Variants in USP7 observed in about 807,000 individuals in gnomAD.
USP7 encodes the protein ubiquitin specific peptidase 7, also known as ubiquitin C-terminal hydrolase 7.
In USP7, 9 loss-of-function variants were observed where a neutral mutation model predicts 162.9. The ratio of observed to expected loss-of-function variants is 0.06; its 90% confidence interval spans 0.03 to 0.10. The LOEUF is 0.10. USP7 is among the 10% of genes least tolerant of loss of function. USP7 has a pLI of 1.00. For missense variants in USP7, 715 were observed against 1,373.7 expected (o/e 0.52, Z 7.58); for synonymous variants, 562 against 475.9 (o/e 1.18, Z -2.35).
chr16:8,897,698 C>CAA lies in USP7; in HGVS notation c.2719-601_2719-600dup, dbSNP rs55635828. Among the ~76,000 whole-genome samples, 10 of 35,604 alleles carry CAA rather than the reference C, an allele frequency of 2.8e-4. 1 individual carries two copies. Among genetic ancestry groups the CAA allele is most frequent in the African/African-American group, 7.1e-4 (6 of 8,422 alleles). The allele number at this position is 35,604 out of a possible 152,430, so 23.4% of individuals were successfully genotyped here. A position where few individuals can be genotyped will look rare whatever the true frequency, so the allele number is the denominator to read the frequency against. On this transcript the variant is annotated intron_variant, in intron 25 of 30. Coordinates refer to ENST00000344836, the MANE Select transcript of USP7 (RefSeq NM_003470.3). Reference sequence around the variant, plus strand: ...GCAATATAGTGAGACCCTGTCTCTACAAAAAAAAAAAAAAAAAAAAAAAAA... The same window carrying CAA: ...GCAATATAGTGAGACCCTGTCTCTACAAAAAAAAAAAAAAAAAAAAAAAAAAA...
chr16:8,901,960 G>T, intron 18 of USP7, 122 bp downstream of exon 18: 1 of 824,650 alleles, frequency 1.2e-6, no homozygotes. Flanking sequence ...GTGAGCTTTT[G>T]TGGAATTGAT....
chr16:8,939,927 G>A (rs999137767), intron 1 of USP7, among the ~76,000 whole-genome samples: 1 of 152,096 alleles, frequency 6.6e-6, no homozygotes, highest in Admixed American at 6.6e-5. Flanking sequence ...GTGAAACCCC[G>A]ACTCTACTAA....
rs2061963638 is a variant in USP7, at chr16:8,912,505, C to G, written c.1079-1678G>C. ...AAACATTACCAAGCATGCAAAGAAGCTGAAACCACCACCCATGATGAAGAC... is the reference window on the plus strand; with the variant it reads ...AAACATTACCAAGCATGCAAAGAAGGTGAAACCACCACCCATGATGAAGAC... On this transcript the variant is annotated intron_variant, in intron 10 of 30. Transcript: ENST00000344836. 2.7e-5 allele frequency among the ~76,000 whole-genome samples: 4 copies of G among 148,542 alleles called. No homozygotes were observed. In the South Asian group the frequency reaches 8.6e-4, roughly 32 times the overall value.
chr16:8,948,922 C>A (rs1448377283), intron 1 of USP7, among the ~76,000 whole-genome samples: 1 of 152,104 alleles, frequency 6.6e-6, no homozygotes, highest in African/African-American at 2.4e-5. Flanking sequence ...TATGATCAAA[C>A]CACGGCACTC....
chr16:8,943,608 G>A (rs1899144278), intron 1 of USP7, among the ~76,000 whole-genome samples: 1 of 152,024 alleles, frequency 6.6e-6, no homozygotes, highest in Non-Finnish European at 1.5e-5. Context: ...TTCCTCTGCT[G>A]GATTAACGGT....
At chr16:8,949,500 C>G (rs989845098) in intron 1 of USP7, 1 of 152,384 alleles carries the variant, frequency 6.6e-6, no homozygotes, top group African/African-American at 2.4e-5. Flanking sequence ...ATACCCAGGA[C>G]AGCCTGTGCT....
At chr16:8,962,679 G>A (rs369715991) in intron 1 of USP7, 200 of 201,148 alleles carry the variant, frequency 9.9e-4, no homozygotes, top group African/African-American at 4.4e-3. Flanking sequence ...TGCGTTCCTT[G>A]CAGGTATTTT....
intron 11 of USP7, 33 bp from the exon 12 acceptor site, chr16:8,908,483 A>C (rs1285187428): frequency 6.4e-7 from 1 of 1,570,968 alleles, no homozygotes; most frequent in Non-Finnish European, 8.7e-7. Context: ...AAATGTAGTT[A>C]GCCTCTACTT....
chr16:8,908,008 C>G lies in USP7; in HGVS notation c.1271+333G>C, dbSNP rs79493421. Among the ~76,000 whole-genome samples, 20 of 152,166 alleles carry G rather than the reference C, an allele frequency of 1.3e-4. No homozygotes were observed. In the East Asian group the frequency reaches 3.9e-3, roughly 29 times the overall value. On this transcript the variant is annotated intron_variant, in intron 12 of 30. Coordinates refer to ENST00000344836, the MANE Select transcript of USP7 (RefSeq NM_003470.3). The stretch of plus-strand genomic sequence containing the variant: ...CTCTGAAATAACATTTATAATCGGT[C>G]AAAATTAAATTTATTAGAAATCCTG...
chr16:8,944,277 C>T (rs1032142778), intron 1 of USP7, among the ~76,000 whole-genome samples: 5 of 151,902 alleles, frequency 3.3e-5, no homozygotes, highest in African/African-American at 1.2e-4. Context: ...GGCTTGACAC[C>T]CCCTTGGCAG....
At chr16:8,904,356 G>T (rs2061825061) in intron 15 of USP7, 79 bp downstream of exon 15, 3 of 1,569,518 alleles carry the variant, frequency 1.9e-6, no homozygotes, top group Non-Finnish European at 2.6e-6. Flanking sequence ...CAGAGGGGTG[G>T]GGGCTGACCT....
At chr16:8,960,487 A>C (rs1899967348) in intron 1 of USP7, among the ~76,000 whole-genome samples, 2 of 152,220 alleles carry the variant, frequency 1.3e-5, no homozygotes, top group South Asian at 4.1e-4. Context: ...ATTGATAGAG[A>C]CAAAACAAAC....
chr16:8,901,073 T>C lies in USP7; in HGVS notation c.2141-16A>G. On this transcript the variant is annotated splice_polypyrimidine_tract_variant and intron_variant, in intron 19 of 30. Transcript: ENST00000344836. ...AGCAAGTCACCTAGGAGAAAGAAGA[T>C]ATTTTAAATGTGTAGCTGTAATGTA... 4 of 1,614,054 alleles carry C rather than the reference T, an allele frequency of 2.5e-6. No individual in the cohort carries two copies. The highest frequency in any genetic ancestry group is 3.4e-6 in the Non-Finnish European group (4 of 1,179,944).
chr16:8,929,044 C>CT lies in USP7; in HGVS notation c.184+1248dup, dbSNP rs543939758. 6.3e-4 allele frequency among the ~76,000 whole-genome samples: 84 copies of CT among 133,960 alleles called. 2 individuals are homozygous for CT. The East Asian group carries it at 0.013, about 20-fold the overall frequency. The allele number at this position is 133,960 out of a possible 152,430, so 87.9% of individuals were successfully genotyped here. The stretch of plus-strand genomic sequence containing the variant: ...TATGTCTCCTCCCAAGACCTCCCCC[C>CT]TAAAAAAAAAAAGAAAAAAACAGTA... On this transcript the variant is annotated intron_variant, in intron 2 of 30. Transcript: ENST00000344836.
rs144447086 is a variant in USP7, at chr16:8,906,447, T to A, written c.1407A>T (p.Leu469=). The A allele has an allele frequency of 1.9e-5, 30 of 1,612,198 alleles. No homozygotes were observed. In the East Asian group the frequency reaches 6.7e-4, roughly 36 times the overall value. ...DNHGGHYVVY[L]NPKGDGKWCK... ...TTACTTTGCCATCCCCTTTGGGGTT[T>A]AGATAAACCACATAATGTCCACCAT... is the stretch of plus-strand genomic sequence containing the variant. The change falls in exon 13 of 31, where the codon CTA becomes CTT. Residue 469 remains leucine, a synonymous_variant. Transcript: ENST00000344836.
chr16:8,943,900 G>T (rs1899163644), intron 1 of USP7, among the ~76,000 whole-genome samples: 1 of 152,076 alleles, frequency 6.6e-6, no homozygotes, highest in South Asian at 2.1e-4. Flanking sequence ...AAACATTTTG[G>T]TTTTTAAAAT....
intron 1 of USP7, among the ~76,000 whole-genome samples, chr16:8,958,588 G>T (rs1219166732): frequency 1.3e-5 from 2 of 152,238 alleles, no homozygotes; most frequent in Non-Finnish European, 1.5e-5. Context: ...CAGCCAAACG[G>T]GCCTGGCAAC....
chr16:8,895,781 T>C (rs2061671716), intron 26 of USP7, 40 bp from the exon 27 acceptor site: 3 of 1,312,474 alleles, frequency 2.3e-6, no homozygotes, highest in East Asian at 2.4e-5. Context: ...AAATGAAGTA[T>C]ATATATTCAC....
At chr16:8,930,008 T>C (rs891798404) in intron 2 of USP7, among the ~76,000 whole-genome samples, 11 of 152,324 alleles carry the variant, frequency 7.2e-5, no homozygotes, top group African/African-American at 2.2e-4. Flanking sequence ...TTCCCAATAC[T>C]AGCAGTGGCT....
Sources: allele counts gnomAD v4.1 joint callset (sites outside exome capture counted in the v4.1 genomes callset), GRCh38; gene constraint gnomAD v4.1.1; transcripts MANE v1.5; gene names NCBI Gene and HGNC (gene_info 2026-07-23, HGNC 2026-07-21).